Variants in ABHD2 observed in about 807,000 individuals in gnomAD.
ABHD2 encodes the protein abhydrolase domain containing 2, acylglycerol lipase, also known as monoacylglycerol lipase ABHD2.
ABHD2 carries 20 observed loss-of-function variants against 48.1 expected under a neutral mutation model. That is an observed-to-expected ratio of 0.42 (90% CI 0.29 to 0.60). ABHD2 has a LOEUF of 0.60. Ranked by LOEUF, ABHD2 falls within the 20% of genes least tolerant of loss-of-function variation. The pLI is 0.24. For synonymous variants in ABHD2, 209 were observed against 214.2 expected (o/e 0.98, Z 0.21); for missense variants, 405 against 550.9 (o/e 0.74, Z 2.65).
rs1161502105 is a variant in ABHD2 at position 89,175,603 on chromosome 15, G to T, written c.539-209G>T. Among the ~76,000 whole-genome samples the T allele has an allele frequency of 6.6e-6, 1 of 151,998 alleles. No homozygotes were observed. Among genetic ancestry groups the T allele is most frequent in the Non-Finnish European group, 1.5e-5 (1 of 68,008 alleles). The stretch of plus-strand genomic sequence containing the variant: ...AGGCCCTGTTTCCTCTTATCCCAAG[G>T]GGCATCTGGGAACTTCTGTCTGGAT... On this transcript the variant is annotated intron_variant, in intron 5 of 10. Coordinates refer to ENST00000352732, the MANE Select transcript of ABHD2 (RefSeq NM_152924.5). This position sits in a 1 kb window ranked among gnomAD's most constrained non-coding sequence, Gnocchi z 5.7.
At chr15:89,083,263 G>C (rs1901309314), upstream of ABHD2, among the ~76,000 whole-genome samples, 1 of 152,126 alleles carries the variant, frequency 6.6e-6, no homozygotes, top group Non-Finnish European at 1.5e-5. The surrounding 1 kb of genome is among the most constrained non-coding windows in gnomAD (Gnocchi z 5.1). Flanking sequence ...AAATTATGTA[G>C]GAAAGGGTGT....
At chr15:89,141,001 C>T (rs567040200) in intron 3 of ABHD2, among the ~76,000 whole-genome samples, 1 of 151,574 alleles carries the variant, frequency 6.6e-6, no homozygotes, top group South Asian at 2.1e-4. Context: ...CAGAGTCTTA[C>T]TCTGTCACCC....
Position 89,092,292 on chromosome 15 carries a change from G to A in ABHD2, c.-107+3729G>A, listed in dbSNP as rs572753200. ...GAAGAGCTTTTTAGAGAAGTGGAAC[G>A]TTGGTACCCTTGGATTTGCCTGGTT... On this transcript the variant is annotated intron_variant, in intron 1 of 10. Transcript: ENST00000352732. This position sits in a 1 kb window ranked among gnomAD's most constrained non-coding sequence, Gnocchi z 4.4. 1.9e-3 allele frequency among the ~76,000 whole-genome samples: 291 copies of A among 152,228 alleles called. 1 individual carries two copies. The highest frequency in any genetic ancestry group is 3.5e-3 in the Non-Finnish European group (240 of 68,020).
chr15:89,169,507 T>C (rs1055944832), intron 5 of ABHD2, among the ~76,000 whole-genome samples: 9 of 152,214 alleles, frequency 5.9e-5, no homozygotes, highest in African/African-American at 2.2e-4. Context: ...GTTTATAATC[T>C]AATAGAGTCT....
intron 4 of ABHD2, among the ~76,000 whole-genome samples, chr15:89,152,546 A>C (rs1596122042): frequency 6.6e-6 from 1 of 152,112 alleles, no homozygotes; most frequent in South Asian, 2.1e-4. Context: ...TTAATCCTCA[A>C]ATAGCGCTGT....
intron 5 of ABHD2, among the ~76,000 whole-genome samples, chr15:89,162,924 A>G (rs927398981): frequency 6.6e-6 from 1 of 152,206 alleles, no homozygotes; most frequent in African/African-American, 2.4e-5. Flanking sequence ...TCACTGCATC[A>G]GTGTTTACTG....
intron 3 of ABHD2, among the ~76,000 whole-genome samples, chr15:89,125,254 CAAA>C (rs35053074): frequency 7.8e-6 from 1 of 128,534 alleles, no homozygotes; most frequent in Non-Finnish European, 1.7e-5. Flanking sequence ...GACTCCATGT[CAAA>C]AAAAAAAAAA....
At chr15:89,158,809 C>G (rs527282420) in intron 5 of ABHD2, among the ~76,000 whole-genome samples, 18 of 152,026 alleles carry the variant, frequency 1.2e-4, no homozygotes, top group African/African-American at 4.1e-4. Context: ...ACCTCCCAGA[C>G]TCAAGCCAGC....
chr15:89,052,558 GACAC>G, the ABHD2 span, among the ~76,000 whole-genome samples: 1 of 124,146 alleles, frequency 8.1e-6, no homozygotes, highest in Admixed American at 8.1e-5. Context: ...CAGACAGACA[GACAC>G]ACACACACAC....
chr15:89,170,019 G>GTTTCACC (rs1217133462), intron 5 of ABHD2, among the ~76,000 whole-genome samples: 1 of 125,422 alleles, frequency 8.0e-6, no homozygotes, highest in African/African-American at 3.0e-5. Flanking sequence ...CAGCCCCACT[G>GTTTCACC]TTTCACCCCT....
At chr15:89,048,299 T>C in the ABHD2 span, among the ~76,000 whole-genome samples, 1 of 152,198 alleles carries the variant, frequency 6.6e-6, no homozygotes, top group Non-Finnish European at 1.5e-5. Flanking sequence ...CCTTTGAGGG[T>C]AACCCAACCT....
chr15:89,089,711 G>A (rs1901516729), intron 1 of ABHD2, among the ~76,000 whole-genome samples: 1 of 152,132 alleles, frequency 6.6e-6, no homozygotes, highest in African/African-American at 2.4e-5. Flanking sequence ...ACATTAAGCA[G>A]AGTCCAAAAG....
At chr15:89,156,115 C>CTT (rs1185978751) in intron 5 of ABHD2, among the ~76,000 whole-genome samples, 1,824 of 85,648 alleles carry the variant, frequency 0.021, 15 homozygotes, top group African/African-American at 0.026. Context: ...TTTTTATTGT[C>CTT]TTTTTTTTTT....
Position 89,116,178 on chromosome 15 carries a change from G to A in ABHD2, c.-6-144G>A. On this transcript the variant is annotated intron_variant, in intron 2 of 10. Transcript: ENST00000352732. This position sits in a 1 kb window ranked among gnomAD's most constrained non-coding sequence, Gnocchi z 4.6. ...TAGCTGTAAGATGCTGGTGGTGTCTGCCTGTCAGGAGCCTGCGGAAACATC... is the reference window on the plus strand; with the variant it reads ...TAGCTGTAAGATGCTGGTGGTGTCTACCTGTCAGGAGCCTGCGGAAACATC... The A allele has an allele frequency of 1.4e-6, 1 of 698,132 alleles. No individual in the cohort carries two copies. Among genetic ancestry groups the A allele is most frequent in the Non-Finnish European group, 2.4e-6 (1 of 422,992 alleles). 43.2% of individuals were successfully genotyped at this position (698,132 alleles called of 1,614,324 possible).
At chr15:89,147,350 CTTTTTTTTTT>C in intron 3 of ABHD2, among the ~76,000 whole-genome samples, 1 of 100,328 alleles carries the variant, frequency 1.0e-5, no homozygotes, top group African/African-American at 4.2e-5. Context: ...TTGCATAGCT[CTTTTTTTTTT>C]TTTTTTTTTT....
At chr15:89,052,398 T>G in the ABHD2 span, among the ~76,000 whole-genome samples, 4 of 152,064 alleles carry the variant, frequency 2.6e-5, 1 homozygote, top group African/African-American at 9.7e-5. Context: ...TACTACCAAA[T>G]CAGCAGGCAG....
Position 89,097,882 on chromosome 15 carries a change from G to T in ABHD2, c.-107+9319G>T, listed in dbSNP as rs1229624065. Among the ~76,000 whole-genome samples the T allele has an allele frequency of 6.6e-6, 1 of 152,092 alleles. No homozygotes were observed. The highest frequency in any genetic ancestry group is 2.4e-5 in the African/African-American group (1 of 41,400). Reference sequence around the variant, plus strand: ...AGTCACTTAACATGGAATTATACATGTTAGCAAATTTCTTGTTTTTTCTTT... The same window carrying T: ...AGTCACTTAACATGGAATTATACATTTTAGCAAATTTCTTGTTTTTTCTTT... On this transcript the variant is annotated intron_variant, in intron 1 of 10. Transcript: ENST00000352732. This position sits in a 1 kb window ranked among gnomAD's most constrained non-coding sequence, Gnocchi z 4.2.
chr15:89,101,557 A>C (rs1006392548), intron 1 of ABHD2, among the ~76,000 whole-genome samples: 1 of 152,236 alleles, frequency 6.6e-6, no homozygotes. Flanking sequence ...AGTGTCCACT[A>C]TGCACTCAAC....
At chr15:89,061,620 T>C in the ABHD2 span, among the ~76,000 whole-genome samples, 1 of 152,070 alleles carries the variant, frequency 6.6e-6, no homozygotes, top group Non-Finnish European at 1.5e-5. Context: ...TCACCCAGAC[T>C]GGAGTGCAGT....
Sources: allele counts gnomAD v4.1 joint callset (sites outside exome capture counted in the v4.1 genomes callset), GRCh38; gene constraint gnomAD v4.1.1; non-coding constraint Gnocchi (gnomAD v3.1); transcripts MANE v1.5; gene names NCBI Gene and HGNC (gene_info 2026-07-23, HGNC 2026-07-21).